The following GALNT9 variants were observed in gnomAD, a reference collection of about 807,000 sequenced individuals.
GALNT9 encodes GalNAc transferase 9.
In GALNT9, 47 loss-of-function variants were observed where a neutral mutation model predicts 63.1. That is an observed-to-expected ratio of 0.75 (90% CI 0.59 to 0.95). The LOEUF is 0.95. Ranked by LOEUF, GALNT9 falls within the 40% of genes least tolerant of loss-of-function variation. GALNT9 has a pLI of 0.00. For synonymous variants in GALNT9, 396 were observed against 365.7 expected, an observed-to-expected ratio of 1.08 and a Z score of -0.94; for missense variants, 829 against 874.8, an observed-to-expected ratio of 0.95 and a Z score of 0.66.
intron 6 of GALNT9, among the ~76,000 whole-genome samples, chr12:132,244,736 C>T (rs1555237856): frequency 5.1e-5 from 2 of 39,348 alleles, no homozygotes; most frequent in African/African-American, 2.6e-4. Flanking sequence ...GATGGGGGGG[C>T]GTGGTGATGG....
At chr12:132,214,196 G>A (rs1255909417) in intron 6 of GALNT9, among the ~76,000 whole-genome samples, 3 of 152,196 alleles carry the variant, frequency 2.0e-5, no homozygotes, top group East Asian at 1.9e-4. Flanking sequence ...TTTGGAGATG[G>A]CTGGAGAACC....
At position 132,327,211 on chromosome 12, in the gene GALNT9, GGGGAGGGAAGCGAAGAGGAAGAA is replaced by G. The variant is rs1869073868; in HGVS notation, c.238+1732_238+1754del. On this transcript the variant is annotated intron_variant, in intron 1 of 10. Coordinates refer to ENST00000328957, the MANE Select transcript of GALNT9 (RefSeq NM_001122636.2). The surrounding 1 kb of genome is among the most constrained non-coding windows in gnomAD (Gnocchi z 4.3). The stretch of plus-strand genomic sequence containing the variant: ...ATTTTAAAAGAAAGAAAGGAGGAAG[GGGGAGGGAAGCGAAGAGGAAGAA>G]GGGAGGGGACAGAGGACAGGAGGAA... Among the ~76,000 whole-genome samples the G allele has an allele frequency of 6.6e-6, 1 of 151,846 alleles. No homozygotes were observed. Among genetic ancestry groups the G allele is most frequent in the South Asian group, 2.1e-4 (1 of 4,768 alleles).
Position 132,252,505 on chromosome 12 carries a change from A to G in GALNT9, c.960-4478T>C, listed in dbSNP as rs1373902668. ...GGTGTTCTCCCCGTGTGCAGAGACA[A>G]GAGATTGTCAGAAATAAAGACACAA... On this transcript the variant is annotated intron_variant, in intron 5 of 10. Transcript: ENST00000328957. This position sits in a 1 kb window ranked among gnomAD's most constrained non-coding sequence, Gnocchi z 5.2. Among the ~76,000 whole-genome samples, 6 of 152,232 alleles carry G rather than the reference A, an allele frequency of 3.9e-5. No homozygotes were observed. The highest frequency in any genetic ancestry group is 8.8e-5 in the Non-Finnish European group (6 of 68,046).
intron 9 of GALNT9, 33 bp downstream of exon 9, chr12:132,199,140 TG>T: frequency 7.0e-7 from 1 of 1,426,654 alleles, no homozygotes; most frequent in Non-Finnish European, 9.8e-7. Flanking sequence ...GTCGTCCCCT[TG>T]GGAGCTGCAT....
intron 2 of GALNT9, chr12:132,284,120 CACACGCACAT>C (rs1207918631): frequency 6.6e-6 from 1 of 151,994 alleles, no homozygotes; most frequent in Non-Finnish European, 1.5e-5. Context: ...CACATATGCA[CACACGCACAT>C]GCACGCACAC....
At chr12:132,263,511 AG>A (rs1189992207) in intron 2 of GALNT9, among the ~76,000 whole-genome samples, 2 of 143,702 alleles carry the variant, frequency 1.4e-5, no homozygotes, top group Non-Finnish European at 3.0e-5. Context: ...GCCCAGGGGG[AG>A]GGGGGCAGGG....
chr12:132,197,750 G>GCCCCCCCCCCACCC (rs1875627306), intron 10 of GALNT9, 42 bp downstream of exon 10: 50 of 1,266,338 alleles, frequency 3.9e-5, no homozygotes, highest in East Asian at 1.3e-4. Flanking sequence ...CAGCAGCCCT[G>GCCCCCCCCCCACCC]CCCCGCCCCA....
At chr12:132,262,372 TG>T in intron 3 of GALNT9, 86 bp downstream of exon 3, 4 of 1,461,052 alleles carry the variant, frequency 2.7e-6, no homozygotes, top group Non-Finnish European at 3.6e-6. Flanking sequence ...TCTGTCGCTC[TG>T]CCCCCGGAGG....
rs987681930 is a variant in GALNT9, at chr12:132,236,906, T to C, written c.1077+11004A>G. ...GAAAGCCATGTGGGTGCTGGTCGTG[T>C]GGCCTCCCACAGCCTGGCTTCCTCC... is the stretch of plus-strand genomic sequence containing the variant. On this transcript the variant is annotated intron_variant, in intron 6 of 10. Transcript: ENST00000328957. The surrounding 1 kb of genome is among the most constrained non-coding windows in gnomAD (Gnocchi z 5.6). Among the ~76,000 whole-genome samples, 2 of 152,160 alleles carry C rather than the reference T, an allele frequency of 1.3e-5. No individual in the cohort carries two copies. The highest frequency in any genetic ancestry group is 4.8e-5 in the African/African-American group (2 of 41,416).
chr12:132,257,622 G>A (rs1177924585), intron 5 of GALNT9, 67 bp downstream of exon 5: 14 of 1,260,592 alleles, frequency 1.1e-5, no homozygotes, highest in Admixed American at 4.4e-5. Flanking sequence ...TCGTCCCCAC[G>A]CCCGCCTCGC....
intron 7 of GALNT9, among the ~76,000 whole-genome samples, chr12:132,202,616 A>T (rs563864887): frequency 1.3e-5 from 2 of 151,158 alleles, no homozygotes; most frequent in East Asian, 3.9e-4. Flanking sequence ...ATGTAAATGT[A>T]TGCGTGTGTG....
At chr12:132,248,678 C>G (rs1010129892) in intron 5 of GALNT9, among the ~76,000 whole-genome samples, 5 of 152,346 alleles carry the variant, frequency 3.3e-5, no homozygotes, top group African/African-American at 1.2e-4. Flanking sequence ...TTCTGAACGA[C>G]GCAGCTTGGA....
rs2136899189 is a variant in GALNT9 at position 132,240,686 on chromosome 12, T to G, written c.1077+7224A>C. Reference sequence around the variant, plus strand: ...TGCCGTGTTTTTCTTCCTCTTTTATTCTGTTTATAATTTACCTTATCTTGC... The same window carrying G: ...TGCCGTGTTTTTCTTCCTCTTTTATGCTGTTTATAATTTACCTTATCTTGC... On this transcript the variant is annotated intron_variant, in intron 6 of 10. Coordinates refer to ENST00000328957, the MANE Select transcript of GALNT9 (RefSeq NM_001122636.2). 7.3e-3 allele frequency: 3,317 copies of G among 456,012 alleles called. 93 individuals carry two copies. Among genetic ancestry groups the G allele is most frequent in the African/African-American group, 0.06 (3,003 of 50,054 alleles). 28.2% of individuals were successfully genotyped at this position (456,012 alleles called of 1,614,324 possible). A position where few individuals can be genotyped will look rare whatever the true frequency, so the allele number is the denominator to read the frequency against.
At chr12:132,220,157 G>A (rs1287681581) in intron 6 of GALNT9, among the ~76,000 whole-genome samples, 1 of 152,306 alleles carries the variant, frequency 6.6e-6, no homozygotes, top group East Asian at 1.9e-4. Context: ...TACTCAGGAG[G>A]CTGAGGTGGG....
At chr12:132,237,631 G>A (rs960716250) in intron 6 of GALNT9, among the ~76,000 whole-genome samples, 1 of 152,066 alleles carries the variant, frequency 6.6e-6, no homozygotes, top group Admixed American at 6.6e-5. Context: ...CCACACACCT[G>A]CCCACAGCTG....
intron 5 of GALNT9, among the ~76,000 whole-genome samples, chr12:132,250,661 T>A (rs543067240): frequency 6.6e-6 from 1 of 152,194 alleles, no homozygotes; most frequent in East Asian, 1.9e-4. Flanking sequence ...CGTGGTGGTG[T>A]GCACCTGTAA....
rs112024308 is a variant in GALNT9, at chr12:132,246,862, T to A, written c.1077+1048A>T. Among the ~76,000 whole-genome samples the A allele has an allele frequency of 6.6e-6, 1 of 152,156 alleles. No individual in the cohort carries two copies. The highest frequency in any genetic ancestry group is 1.5e-5 in the Non-Finnish European group (1 of 68,022). ...TATTATTTAATCTGCCCAACCTGAG[T>A]TAAACAATCGCGGCCACGGGGAAGG... On this transcript the variant is annotated intron_variant, in intron 6 of 10. Transcript: ENST00000328957. The surrounding 1 kb of genome is among the most constrained non-coding windows in gnomAD (Gnocchi z 4.7).
intron 4 of GALNT9, among the ~76,000 whole-genome samples, chr12:132,258,393 C>T (rs1057140030): frequency 1.1e-4 from 17 of 152,352 alleles, no homozygotes; most frequent in Non-Finnish European, 2.1e-4. Context: ...ATCCGTGCCA[C>T]GGGGAGCTCG....
At chr12:132,322,497 A>G (rs1868846217) in intron 1 of GALNT9, among the ~76,000 whole-genome samples, 1 of 152,224 alleles carries the variant, frequency 6.6e-6, no homozygotes, top group Non-Finnish European at 1.5e-5. Context: ...GCAAGCACCC[A>G]GCATCCCCGT....
Sources: allele counts gnomAD v4.1 joint callset (sites outside exome capture counted in the v4.1 genomes callset), GRCh38; gene constraint gnomAD v4.1.1; non-coding constraint Gnocchi (gnomAD v3.1); transcripts MANE v1.5; gene names NCBI Gene and HGNC (gene_info 2026-07-23, HGNC 2026-07-21).